The following PCDH7 variants were observed in gnomAD, a reference collection of about 807,000 sequenced individuals.
PCDH7 encodes protocadherin 7, also known as protocadherin-7.
Under a neutral mutation model 58.9 loss-of-function variants are expected in PCDH7, and 17 were observed. The observed-to-expected ratio is 0.29, with a 90% CI of 0.20 to 0.43. The LOEUF is 0.43. PCDH7 is among the 20% of genes least tolerant of loss of function. The pLI is 1.00. For synonymous variants in PCDH7, 664 were observed against 616.4 expected (o/e 1.08, Z -1.14); for missense variants, 1,274 against 1,441.0 (o/e 0.88, Z 1.88).
intron 1 of PCDH7, among the ~76,000 whole-genome samples, chr4:30,824,374 T>C (rs1435007551): frequency 6.6e-6 from 1 of 151,992 alleles, no homozygotes; most frequent in Non-Finnish European, 1.5e-5. Context: ...GTTGTAATAT[T>C]TCACGGAGAG....
chr4:30,970,636 A>G (rs1749504033), intron 3 of PCDH7, among the ~76,000 whole-genome samples: 1 of 152,052 alleles, frequency 6.6e-6, no homozygotes, highest in African/African-American at 2.4e-5. Context: ...CTTTCCTCTT[A>G]ACACTTTTTG....
intron 1 of PCDH7, among the ~76,000 whole-genome samples, chr4:30,904,258 G>A (rs903775492): frequency 3.3e-5 from 5 of 152,044 alleles, no homozygotes; most frequent in Non-Finnish European, 7.4e-5. Flanking sequence ...ATGCAAAATC[G>A]GCCTCACTAG....
intron 3 of PCDH7, among the ~76,000 whole-genome samples, chr4:31,069,617 G>T (rs1327075671): frequency 6.6e-6 from 1 of 151,892 alleles, no homozygotes; most frequent in Non-Finnish European, 1.5e-5. Flanking sequence ...TTTGCATAAT[G>T]TTTATGGATT....
At chr4:30,790,564 T>A (rs1235810563) in intron 1 of PCDH7, among the ~76,000 whole-genome samples, 1 of 152,222 alleles carries the variant, frequency 6.6e-6, no homozygotes, top group African/African-American at 2.4e-5. Context: ...AAGGTACTCA[T>A]TAGTTCTAGC....
intron 3 of PCDH7, among the ~76,000 whole-genome samples, chr4:30,965,543 C>T (rs1425075752): frequency 1.3e-5 from 2 of 151,992 alleles, no homozygotes; most frequent in Non-Finnish European, 2.9e-5. Flanking sequence ...GATAAGATAT[C>T]AAATCACCTT....
At chr4:31,056,919 A>G (rs1757306320) in intron 3 of PCDH7, among the ~76,000 whole-genome samples, 1 of 152,070 alleles carries the variant, frequency 6.6e-6, no homozygotes, top group Non-Finnish European at 1.5e-5. Context: ...CAAATATCCA[A>G]ATGGGACAAA....
chr4:30,895,185 G>T (rs1739251919), intron 1 of PCDH7, among the ~76,000 whole-genome samples: 1 of 151,284 alleles, frequency 6.6e-6, no homozygotes, highest in Admixed American at 6.6e-5. Context: ...TCCCATAGCA[G>T]TGGAGAATGC....
intron 1 of PCDH7, among the ~76,000 whole-genome samples, chr4:30,727,253 GTTC>G (rs139021554): frequency 5.9e-5 from 9 of 151,964 alleles, no homozygotes; most frequent in East Asian, 5.8e-4. Flanking sequence ...TCTTAAGAGT[GTTC>G]TTATCTTCAT....
intron 3 of PCDH7, among the ~76,000 whole-genome samples, chr4:31,095,539 G>C (rs950639009): frequency 6.6e-6 from 1 of 152,036 alleles, no homozygotes; most frequent in Non-Finnish European, 1.5e-5. Context: ...TTTTGTGACA[G>C]AGCAGTATAA....
chr4:30,921,048 C>T lies in PCDH7; in HGVS notation c.287+679C>T, dbSNP rs571945205. On this transcript the variant is annotated intron_variant, in intron 2 of 3. Coordinates refer to the PCDH7 transcript ENST00000509759. Reference sequence around the variant, plus strand: ...TAATTACCACAATTGGCCTTGTATACATTTTCTTTTAAGTTATACATTTAG... The same window carrying T: ...TAATTACCACAATTGGCCTTGTATATATTTTCTTTTAAGTTATACATTTAG... Among the ~76,000 whole-genome samples, 10 of 152,104 alleles carry T rather than the reference C, an allele frequency of 6.6e-5. No individual in the cohort carries two copies. In the South Asian group the frequency reaches 2.1e-3, roughly 31 times the overall value.
chr4:31,084,626 C>G (rs1055903991), intron 3 of PCDH7, among the ~76,000 whole-genome samples: 6 of 138,500 alleles, frequency 4.3e-5, no homozygotes, highest in African/African-American at 8.2e-5. Flanking sequence ...CAAAGGGAGG[C>G]AGTGTCACAT....
At chr4:30,806,732 G>A (rs937738628) in intron 1 of PCDH7, among the ~76,000 whole-genome samples, 2 of 151,320 alleles carry the variant, frequency 1.3e-5, no homozygotes, top group African/African-American at 4.9e-5. Context: ...CTTGACAGAG[G>A]CTTCTCTGAC....
At chr4:31,057,835 C>G (rs1013963431) in intron 3 of PCDH7, among the ~76,000 whole-genome samples, 4 of 152,016 alleles carry the variant, frequency 2.6e-5, no homozygotes, top group African/African-American at 7.2e-5. Context: ...GATGAAATAT[C>G]CTTGTAAGAT....
At chr4:30,791,757 G>A (rs1021107439) in intron 1 of PCDH7, among the ~76,000 whole-genome samples, 1 of 152,158 alleles carries the variant, frequency 6.6e-6, no homozygotes, top group Non-Finnish European at 1.5e-5. Context: ...AAAGGAAACT[G>A]TGAAAGCCAA....
intron 3 of PCDH7, among the ~76,000 whole-genome samples, chr4:31,124,969 C>T (rs1170886808): frequency 1.3e-5 from 2 of 152,190 alleles, no homozygotes; most frequent in South Asian, 2.1e-4. Flanking sequence ...GGTTTCCAAA[C>T]ATGGCTTTTC....
At chr4:30,879,096 G>C (rs1224548150) in intron 1 of PCDH7, among the ~76,000 whole-genome samples, 1 of 143,828 alleles carries the variant, frequency 7.0e-6, no homozygotes, top group Admixed American at 7.0e-5. Flanking sequence ...TGAACTTAGA[G>C]GGAGATGGAG....
intron 3 of PCDH7, among the ~76,000 whole-genome samples, chr4:31,104,836 G>A (rs1715345798): frequency 6.6e-6 from 1 of 152,162 alleles, no homozygotes; most frequent in Non-Finnish European, 1.5e-5. Flanking sequence ...ATCAATTAGT[G>A]CCAGCTCAAA....
In PCDH7 at chr4:31,099,821, A is replaced by G. The variant is rs535056296; in HGVS notation, c.*8-42652A>G. ...ATATACATACATATATATATAAAAG[A>G]TTTGACGCGTGTCTTCATTAGCCTT... On this transcript the variant is annotated intron_variant, in intron 3 of 3. Coordinates refer to the PCDH7 transcript ENST00000509759. Among the ~76,000 whole-genome samples the G allele has an allele frequency of 1.4e-4, 22 of 152,168 alleles. 1 individual carries two copies. The South Asian group carries it at 4.6e-3, about 32-fold the overall frequency.
chr4:31,054,311 C>G (rs1338602420), intron 3 of PCDH7, among the ~76,000 whole-genome samples: 1 of 152,146 alleles, frequency 6.6e-6, no homozygotes, highest in Non-Finnish European at 1.5e-5. Flanking sequence ...TTCTTGGGAA[C>G]AACATGTGAA....
Sources: allele counts gnomAD v4.1 joint callset (sites outside exome capture counted in the v4.1 genomes callset), GRCh38; gene constraint gnomAD v4.1.1; transcripts MANE v1.5; gene names NCBI Gene and HGNC (gene_info 2026-07-23, HGNC 2026-07-21).